ACOT7: variants seen among roughly 807,000 people sequenced by gnomAD.
ACOT7 encodes cytosolic acyl coenzyme A thioester hydrolase.
Under a neutral mutation model 40.2 loss-of-function variants are expected in ACOT7, and 12 were observed. The observed-to-expected ratio is 0.30, with a 90% confidence interval of 0.19 to 0.48. The LOEUF (loss-of-function observed/expected upper bound fraction) is 0.48, where lower values mean the gene tolerates loss of function less well. Among genes scored for constraint, ACOT7 ranks in the 20% least tolerant of loss-of-function variants. The probability of loss-of-function intolerance (pLI) is 0.99; values close to 1 mark genes in which losing one functional copy is unlikely to be tolerated. For synonymous variants in ACOT7, 228 were observed against 219.5 expected (o/e 1.04, Z -0.34); for missense variants, 395 against 530.8 (o/e 0.74, Z 2.51).
chr1:6,323,737 A>AATATATATATATAT (rs57302929), intron 5 of ACOT7, among the ~76,000 whole-genome samples: 8 of 38,408 alleles, frequency 2.1e-4, no homozygotes, highest in East Asian at 6.8e-4. Flanking sequence ...AAAAAAAAAA[A>AATATATATATATAT]ATATATATAT....
chr1:6,385,419 G>A (rs1246440580), intron 1 of ACOT7: 5 of 1,506,402 alleles, frequency 3.3e-6, no homozygotes, highest in South Asian at 2.5e-5. Flanking sequence ...CAAGTTATGC[G>A]GCCCAAGGCC....
rs1350938707 is a variant in ACOT7 at position 6,299,192 on chromosome 1, G to A, written c.713-4212C>T. ...TCAGTGTCTGTCAGGCAGAGGAGGT[G>A]ACGGCGCCCACAGGCAAGGTGACTG... is the stretch of plus-strand genomic sequence containing the variant. On this transcript the variant is annotated intron_variant, in intron 6 of 8. Coordinates refer to ENST00000361521, the MANE Select transcript of ACOT7 (RefSeq NM_007274.4). The surrounding 1 kb of genome is among the most constrained non-coding windows in gnomAD (Gnocchi z 4.1). Among the ~76,000 whole-genome samples the A allele has an allele frequency of 6.6e-6, 1 of 152,216 alleles. No homozygotes were observed. Among genetic ancestry groups the A allele is most frequent in the African/African-American group, 2.4e-5 (1 of 41,456 alleles).
At chr1:6,382,072 A>C (rs1571355943) in intron 1 of ACOT7, among the ~76,000 whole-genome samples, 1 of 150,330 alleles carries the variant, frequency 6.7e-6, no homozygotes, top group East Asian at 1.9e-4. Context: ...CGGGAGGCGG[A>C]GCTTGCAGTG....
rs1217482127 is a variant in ACOT7, at chr1:6,275,349, A to G, written c.1014+5753T>C. Among the ~76,000 whole-genome samples, 1 of 152,180 alleles carries G rather than the reference A, an allele frequency of 6.6e-6. No individual in the cohort carries two copies. Among genetic ancestry groups the G allele is most frequent in the Admixed American group, 6.5e-5 (1 of 15,280 alleles). The stretch of plus-strand genomic sequence containing the variant: ...CCTCTTCTAGGTCGGGGCACGTCAG[A>G]GCGGACAAAGCTCAACAGGGTGCGT... On this transcript the variant is annotated intron_variant, in intron 8 of 8. Transcript: ENST00000361521. The surrounding 1 kb of genome is among the most constrained non-coding windows in gnomAD (Gnocchi z 5.6).
At chr1:6,304,161 G>A (rs1447855323) in intron 6 of ACOT7, among the ~76,000 whole-genome samples, 1 of 152,064 alleles carries the variant, frequency 6.6e-6, no homozygotes, top group Admixed American at 6.5e-5. Flanking sequence ...AAATTTTGGT[G>A]GGGTGTCAGT....
chr1:6,313,154 G>C (rs1272143866), intron 6 of ACOT7, among the ~76,000 whole-genome samples: 1 of 152,222 alleles, frequency 6.6e-6, no homozygotes, highest in Non-Finnish European at 1.5e-5. Context: ...GTGTCTGGGG[G>C]ACAGGGGTGG....
At chr1:6,329,358 C>T (rs1405548736) in intron 4 of ACOT7, among the ~76,000 whole-genome samples, 2 of 152,170 alleles carry the variant, frequency 1.3e-5, no homozygotes, top group East Asian at 3.8e-4. Context: ...CAACCTTTTC[C>T]TCCATAAATA....
At chr1:6,318,649 C>G in intron 5 of ACOT7, 71 bp from the exon 6 acceptor site, 1 of 1,472,898 alleles carries the variant, frequency 6.8e-7, no homozygotes, top group Admixed American at 1.8e-5. Flanking sequence ...CTGGCAATGC[C>G]GAAACCACCC....
chr1:6,370,453 G>GTTAGTA (rs1557671126), intron 1 of ACOT7, among the ~76,000 whole-genome samples: 1 of 144,294 alleles, frequency 6.9e-6, no homozygotes, highest in South Asian at 2.2e-4. Context: ...AATGAGCAGT[G>GTTAGTA]TTAGTATTAT....
At chr1:6,386,821 T>C (rs926120479) in intron 1 of ACOT7, among the ~76,000 whole-genome samples, 22 of 152,192 alleles carry the variant, frequency 1.4e-4, no homozygotes, top group African/African-American at 5.3e-4. Flanking sequence ...ATTGCACCAC[T>C]GCACCACTTA....
At chr1:6,284,782 A>T (rs1387034444) in intron 7 of ACOT7, among the ~76,000 whole-genome samples, 1 of 151,878 alleles carries the variant, frequency 6.6e-6, no homozygotes, top group African/African-American at 2.4e-5. Context: ...CAGCCTCTAC[A>T]AGGGCCCCTA....
intron 8 of ACOT7, among the ~76,000 whole-genome samples, chr1:6,276,192 C>G (rs1431842733): frequency 6.6e-6 from 1 of 152,308 alleles, no homozygotes; most frequent in Non-Finnish European, 1.5e-5. Flanking sequence ...CTGCAAGAAT[C>G]AGAGGCAAGT....
intron 1 of ACOT7, among the ~76,000 whole-genome samples, chr1:6,364,700 T>C (rs1641962827): frequency 6.7e-6 from 1 of 149,454 alleles, no homozygotes; most frequent in South Asian, 2.1e-4. Context: ...ATACAAAAAT[T>C]AGTTGGGCGT....
intron 1 of ACOT7, among the ~76,000 whole-genome samples, chr1:6,351,617 C>A (rs554714424): frequency 6.6e-6 from 1 of 152,302 alleles, no homozygotes; most frequent in East Asian, 1.9e-4. Flanking sequence ...TGGGTGGGTG[C>A]GGAGAGCAGG....
intron 1 of ACOT7, among the ~76,000 whole-genome samples, chr1:6,378,634 T>C (rs775141705): frequency 1.3e-5 from 2 of 151,972 alleles, no homozygotes; most frequent in Non-Finnish European, 2.9e-5. Flanking sequence ...ACATCTGAGC[T>C]GTCTGGCATG....
In ACOT7 at chr1:6,393,372, C is replaced by T. The variant is rs1642569397; in HGVS notation, c.28G>A (p.Ala10Thr). 1.6e-6 allele frequency: 2 copies of T among 1,235,296 alleles called. No individual in the cohort carries two copies. Among genetic ancestry groups the T allele is most frequent in the African/African-American group, 1.6e-5 (1 of 64,262 alleles). The allele number at this position is 1,235,296 out of a possible 1,614,324, so 76.5% of individuals were successfully genotyped here. A position where few individuals can be genotyped will look rare whatever the true frequency, so the allele number is the denominator to read the frequency against. The change falls in exon 1 of 9, where the codon GCG (alanine) becomes ACG (threonine). Residue 10 changes from alanine to threonine, a missense_variant. This residue lies in a region of ACOT7 where 86 missense variants were observed against 60.5 expected (regional missense o/e 1.42). Transcript: ENST00000361521. ...GCGCAGGTGTCTGGCAGGCCCGGCGCGGAATGAATGAGCCCGGGCCGCGCC... is the reference window on the plus strand; with the variant it reads ...GCGCAGGTGTCTGGCAGGCCCGGCGTGGAATGAATGAGCCCGGGCCGCGCC... MARPGLIHS[A>T]PGLPDTCALL...
intron 6 of ACOT7, among the ~76,000 whole-genome samples, chr1:6,302,498 G>A (rs1640000783): frequency 2.0e-5 from 3 of 152,046 alleles, no homozygotes; most frequent in African/African-American, 7.2e-5. Flanking sequence ...AGACGGACCT[G>A]GCGAAAAACC....
chr1:6,296,074 T>C (rs1432012949), intron 6 of ACOT7, among the ~76,000 whole-genome samples: 4 of 152,116 alleles, frequency 2.6e-5, no homozygotes, highest in South Asian at 2.1e-4. Flanking sequence ...CTGGCTAATA[T>C]TGTTGTAGAT....
chr1:6,357,008 C>T (rs376545615), intron 1 of ACOT7, among the ~76,000 whole-genome samples: 1 of 151,724 alleles, frequency 6.6e-6, no homozygotes, highest in East Asian at 1.9e-4. Context: ...GGAGCTGAGG[C>T]AGGTGGATCA....
Sources: gnomAD v4.1 joint callset for allele counts (sites outside exome capture counted in the v4.1 genomes callset) on GRCh38, gnomAD v4.1.1 for gene constraint, gnomAD v4.1.1 regional missense constraint, Gnocchi (gnomAD v3.1) non-coding constraint, MANE v1.5 for transcripts, NCBI Gene and HGNC (gene_info 2026-07-23, HGNC 2026-07-21) for gene names.